Variants in CWC27 observed in about 807,000 individuals in gnomAD.
CWC27 encodes the protein CWC27 spliceosome associated cyclophilin.
Under a neutral mutation model 63.6 loss-of-function variants are expected in CWC27, and 47 were observed. That is an observed-to-expected ratio of 0.74 (90% CI 0.58 to 0.94). CWC27 has a LOEUF of 0.94. Among genes scored for constraint, CWC27 ranks in the 40% least tolerant of loss-of-function variants. CWC27 has a pLI of 0.00. For synonymous variants in CWC27, 175 were observed against 179.8 expected (o/e 0.97, Z 0.22); for missense variants, 495 against 554.3 (o/e 0.89, Z 1.07).
At chr5:64,915,754 A>T (rs1364538637) in intron 11 of CWC27, among the ~76,000 whole-genome samples, 2 of 152,188 alleles carry the variant, frequency 1.3e-5, no homozygotes, top group African/African-American at 4.8e-5. Context: ...ACTATATGCC[A>T]AGCTTTATAG....
At chr5:64,799,518 G>A (rs948067350) in intron 7 of CWC27, among the ~76,000 whole-genome samples, 3 of 150,226 alleles carry the variant, frequency 2.0e-5, no homozygotes, top group South Asian at 4.2e-4. Flanking sequence ...CCCCGGAAGC[G>A]GAGATTGCAG....
At chr5:64,776,104 AG>A (rs1743438978) in intron 2 of CWC27, among the ~76,000 whole-genome samples, 2 of 146,542 alleles carry the variant, frequency 1.4e-5, no homozygotes, top group Non-Finnish European at 3.0e-5. Context: ...AGAGAGAGAG[AG>A]AGAGAGAGAG....
intron 7 of CWC27, 75 bp from the exon 8 acceptor site, chr5:64,800,173 T>C: frequency 9.8e-7 from 1 of 1,022,380 alleles, no homozygotes. Context: ...CTAGGTTTTA[T>C]GTAAATTTGT....
At chr5:64,872,893 C>A (rs552411754) in intron 10 of CWC27, among the ~76,000 whole-genome samples, 1 of 152,226 alleles carries the variant, frequency 6.6e-6, no homozygotes, top group East Asian at 1.9e-4. Context: ...TCTGATGGGT[C>A]CCAGATTAGT....
At chr5:64,974,527 C>T (rs1418933904) in intron 12 of CWC27, among the ~76,000 whole-genome samples, 2 of 152,262 alleles carry the variant, frequency 1.3e-5, no homozygotes, top group East Asian at 1.9e-4. Flanking sequence ...AGACCAGCCC[C>T]CATGATTCAA....
At chr5:64,874,723 CCCT>C (rs1198012385) in intron 10 of CWC27, among the ~76,000 whole-genome samples, 1 of 152,002 alleles carries the variant, frequency 6.6e-6, no homozygotes, top group Admixed American at 6.6e-5. Flanking sequence ...TTTTCAGTCC[CCCT>C]CCTCATTTTC....
intron 10 of CWC27, among the ~76,000 whole-genome samples, chr5:64,845,860 T>C (rs968909635): frequency 9.9e-5 from 15 of 152,214 alleles, no homozygotes; most frequent in African/African-American, 3.4e-4. Context: ...GGAATAGATG[T>C]GAATATCCAG....
intron 10 of CWC27, among the ~76,000 whole-genome samples, chr5:64,857,775 T>C (rs1307260203): frequency 6.6e-6 from 1 of 152,178 alleles, no homozygotes; most frequent in Non-Finnish European, 1.5e-5. Context: ...TCAGTATCAG[T>C]TGCACTTTAA....
At position 64,904,210 on chromosome 5, in the gene CWC27, T is replaced by C. The variant is rs565460943; in HGVS notation, c.1042+18664T>C. ...CATTTACATATTTTAGGTTTTTCTTTAGGTCAGCACCCCACACCTGGATAC... is the reference window on the plus strand; with the variant it reads ...CATTTACATATTTTAGGTTTTTCTTCAGGTCAGCACCCCACACCTGGATAC... On this transcript the variant is annotated intron_variant, in intron 11 of 13. Transcript: ENST00000381070. 2.0e-5 allele frequency among the ~76,000 whole-genome samples: 3 copies of C among 152,328 alleles called. No individual in the cohort carries two copies. In the East Asian group the frequency reaches 5.8e-4, roughly 29 times the overall value.
intron 11 of CWC27, among the ~76,000 whole-genome samples, chr5:64,952,591 A>G (rs1172497398): frequency 6.6e-6 from 1 of 152,012 alleles, no homozygotes; most frequent in Non-Finnish European, 1.5e-5. Context: ...GGAATCTTTC[A>G]TCCCGTCATT....
chr5:64,891,580 T>C (rs1019708733), intron 11 of CWC27, among the ~76,000 whole-genome samples: 2 of 152,224 alleles, frequency 1.3e-5, no homozygotes, highest in Non-Finnish European at 2.9e-5. Context: ...TTCTTCTTTT[T>C]TAGACAATCT....
chr5:64,831,475 GAGATAGATAGAT>G lies in CWC27; in HGVS notation c.938+27117_938+27128del, dbSNP rs3075244. Among the ~76,000 whole-genome samples, 86 of 148,324 alleles carry G rather than the reference GAGATAGATAGAT, an allele frequency of 5.8e-4. 1 individual carries two copies. The Middle Eastern group carries it at 0.021, about 36-fold the overall frequency. ...GACTCCAAAAAGCTTTTATTTATTT[GAGATAGATAGAT>G]AGATAGATAGATAGATAGATAGATA... is the stretch of plus-strand genomic sequence containing the variant. On this transcript the variant is annotated intron_variant, in intron 10 of 13. Transcript: ENST00000381070.
At chr5:65,009,637 A>G (rs1434120603) in intron 13 of CWC27, among the ~76,000 whole-genome samples, 1 of 152,120 alleles carries the variant, frequency 6.6e-6, no homozygotes, top group Non-Finnish European at 1.5e-5. Context: ...CCTCATAAGG[A>G]AGGAAGAAAC....
intron 13 of CWC27, among the ~76,000 whole-genome samples, chr5:64,990,753 C>T (rs1450471802): frequency 2.0e-5 from 3 of 152,104 alleles, no homozygotes; most frequent in Non-Finnish European, 4.4e-5. Context: ...CTTCTTTTTC[C>T]CTAAGATGTC....
At chr5:64,807,618 T>G in intron 10 of CWC27, 1 of 1,535,098 alleles carries the variant, frequency 6.5e-7, no homozygotes, top group Non-Finnish European at 8.7e-7. Context: ...TCTATGCCTG[T>G]ATCTTGACTA....
chr5:64,898,540 T>C (rs914792774), intron 11 of CWC27, among the ~76,000 whole-genome samples: 5 of 152,148 alleles, frequency 3.3e-5, no homozygotes, highest in Admixed American at 1.3e-4. Flanking sequence ...TTTTCCCAGA[T>C]GTCCTTCTAA....
chr5:64,923,413 G>A (rs1054638050), intron 11 of CWC27, among the ~76,000 whole-genome samples: 1 of 151,200 alleles, frequency 6.6e-6, no homozygotes, highest in Admixed American at 6.6e-5. Flanking sequence ...CCCTTCCTTA[G>A]GAGCCATTAA....
chr5:64,949,795 CAA>C (rs1230774460), intron 11 of CWC27, among the ~76,000 whole-genome samples: 2 of 151,952 alleles, frequency 1.3e-5, no homozygotes, highest in African/African-American at 2.4e-5. Flanking sequence ...CCTCAATATT[CAA>C]GTAGTTGTTT....
At chr5:64,891,395 A>C (rs1210781347) in intron 11 of CWC27, among the ~76,000 whole-genome samples, 1 of 152,208 alleles carries the variant, frequency 6.6e-6, no homozygotes, top group Admixed American at 6.5e-5. Flanking sequence ...TTTAAGTGCT[A>C]GAAACCATGC....
Sources: allele counts gnomAD v4.1 joint callset (sites outside exome capture counted in the v4.1 genomes callset), GRCh38; gene constraint gnomAD v4.1.1; transcripts MANE v1.5; gene names NCBI Gene and HGNC (gene_info 2026-07-23, HGNC 2026-07-21).